FGF14: variants seen among roughly 807,000 people sequenced by gnomAD.
The protein encoded by FGF14 is fibroblast growth factor homologous factor 4.
In FGF14, 5 loss-of-function variants were observed where a neutral mutation model predicts 25.5. The ratio of observed to expected loss-of-function variants is 0.20; its 90% CI spans 0.10 to 0.41. The LOEUF (loss-of-function observed/expected upper bound fraction) is 0.41, where lower values mean the gene tolerates loss of function less well. FGF14 is among the 10% of genes least tolerant of loss of function. The probability of loss-of-function intolerance (pLI) is 1.00; values close to 1 mark genes in which losing one functional copy is unlikely to be tolerated. For synonymous variants in FGF14, 138 were observed against 118.3 expected, an observed-to-expected ratio of 1.17 and a Z score of -1.08; for missense variants, 222 against 320.1, an observed-to-expected ratio of 0.69 and a Z score of 2.34.
At chr13:102,036,662 A>AGGAGGAGG (rs2041489889) in intron 1 of FGF14, among the ~76,000 whole-genome samples, 1 of 151,692 alleles carries the variant, frequency 6.6e-6, no homozygotes, top group Non-Finnish European at 1.5e-5. Flanking sequence ...GAGGAAACAG[A>AGGAGGAGG]AGGAGGAGGA....
At chr13:102,375,425 C>G (rs920995575) in intron 1 of FGF14, among the ~76,000 whole-genome samples, 3 of 152,074 alleles carry the variant, frequency 2.0e-5, no homozygotes, top group African/African-American at 7.2e-5. Flanking sequence ...AAGCATAAGA[C>G]TTTGTAGTAA....
At chr13:102,301,860 A>ACACACG (rs1347296328) in intron 1 of FGF14, among the ~76,000 whole-genome samples, 1 of 147,844 alleles carries the variant, frequency 6.8e-6, no homozygotes, top group East Asian at 1.9e-4. Flanking sequence ...ACACACACAC[A>ACACACG]CACACACTTT....
At chr13:101,953,401 G>C (rs963609449) in intron 1 of FGF14, among the ~76,000 whole-genome samples, 1 of 151,904 alleles carries the variant, frequency 6.6e-6, no homozygotes, top group Non-Finnish European at 1.5e-5. Context: ...TGTTCTGCTA[G>C]GACAGAGATG....
chr13:102,119,383 G>A (rs2045615506), intron 1 of FGF14, among the ~76,000 whole-genome samples: 1 of 152,132 alleles, frequency 6.6e-6, no homozygotes, highest in South Asian at 2.1e-4. Flanking sequence ...AGAGACTAAT[G>A]ACACACAATA....
chr13:101,719,027 G>GT lies in FGF14; in HGVS notation c.*3803dup, dbSNP rs1386574418. The GT allele has an allele frequency of 6.6e-6, 1 of 151,948 alleles. No individual in the cohort carries two copies. The highest frequency in any genetic ancestry group is 1.5e-5 in the Non-Finnish European group (1 of 67,968). 9.4% of individuals were successfully genotyped at this position (151,948 alleles called of 1,614,324 possible). Reference sequence around the variant, plus strand: ...AGTCGCTTTCCCTTGATATAGCCTTGTTCTGAATTAAAATGGAAAAAATAT... The same window carrying GT: ...AGTCGCTTTCCCTTGATATAGCCTTGTTTCTGAATTAAAATGGAAAAAATAT... On this transcript the variant is annotated 3_prime_UTR_variant, in exon 5 of 5. Coordinates refer to ENST00000376143, the MANE Select transcript of FGF14 (RefSeq NM_004115.4).
intron 1 of FGF14, among the ~76,000 whole-genome samples, chr13:101,975,308 C>T (rs976472852): frequency 1.3e-5 from 2 of 152,136 alleles, no homozygotes; most frequent in African/African-American, 2.4e-5. Context: ...CAGCACTAAC[C>T]CCCTCGACTC....
intron 3 of FGF14, among the ~76,000 whole-genome samples, chr13:101,818,078 A>G (rs1470183153): frequency 1.3e-5 from 2 of 152,202 alleles, no homozygotes; most frequent in African/African-American, 4.8e-5. Flanking sequence ...CAAGGTGACT[A>G]AGACACAAAC....
chr13:101,730,616 C>T (rs1347936013), intron 3 of FGF14, among the ~76,000 whole-genome samples: 1 of 152,200 alleles, frequency 6.6e-6, no homozygotes, highest in African/African-American at 2.4e-5. Context: ...ATACTTTGTG[C>T]TTCAATCCTG....
intron 3 of FGF14, among the ~76,000 whole-genome samples, chr13:101,810,967 C>T (rs529707329): frequency 1.3e-5 from 2 of 152,136 alleles, no homozygotes; most frequent in East Asian, 3.9e-4. Context: ...TTTTAGGTCA[C>T]AGCCAAACTG....
intron 1 of FGF14, among the ~76,000 whole-genome samples, chr13:101,906,466 G>A (rs1029131103): frequency 6.6e-6 from 1 of 152,082 alleles, no homozygotes; most frequent in African/African-American, 2.4e-5. Context: ...TGAGGCATGT[G>A]GTGTAATAAA....
chr13:102,086,475 A>C (rs1236094901), intron 1 of FGF14, among the ~76,000 whole-genome samples: 1 of 152,084 alleles, frequency 6.6e-6, no homozygotes, highest in Non-Finnish European at 1.5e-5. Flanking sequence ...GCTTGCAGTG[A>C]GCCGAGATCG....
At chr13:102,365,960 A>T (rs959041773) in intron 1 of FGF14, among the ~76,000 whole-genome samples, 2 of 152,110 alleles carry the variant, frequency 1.3e-5, no homozygotes, top group Non-Finnish European at 2.9e-5. Context: ...TGTTCTCTCC[A>T]CTGTCATTTG....
At chr13:102,211,998 A>G (rs1047312895) in intron 1 of FGF14, among the ~76,000 whole-genome samples, 28 of 152,048 alleles carry the variant, frequency 1.8e-4, no homozygotes, top group Admixed American at 5.9e-4. Flanking sequence ...TTTCCCTTTC[A>G]CAGTTACTCA....
At chr13:102,103,318 A>G (rs777646602) in intron 1 of FGF14, among the ~76,000 whole-genome samples, 16 of 143,290 alleles carry the variant, frequency 1.1e-4, no homozygotes, top group African/African-American at 4.2e-4. Flanking sequence ...GTGTCATTTT[A>G]GATCACACAC....
intron 1 of FGF14, among the ~76,000 whole-genome samples, chr13:102,136,765 G>T (rs1476668575): frequency 6.6e-6 from 1 of 151,692 alleles, no homozygotes; most frequent in East Asian, 1.9e-4. Context: ...AATGTACTGT[G>T]TTCAGTTAGC....
At chr13:102,380,769 A>G (rs947841714) in intron 1 of FGF14, among the ~76,000 whole-genome samples, 11 of 152,218 alleles carry the variant, frequency 7.2e-5, no homozygotes, top group Admixed American at 2.0e-4. Context: ...AAGTAGACAA[A>G]TTAAAAGTAA....
chr13:102,085,979 TA>T (rs1476337846), intron 1 of FGF14, among the ~76,000 whole-genome samples: 1 of 152,174 alleles, frequency 6.6e-6, no homozygotes, highest in Non-Finnish European at 1.5e-5. Flanking sequence ...AAATTGTAGC[TA>T]AAAATAAATG....
intron 1 of FGF14, among the ~76,000 whole-genome samples, chr13:102,137,447 G>C (rs544094512): frequency 6.6e-6 from 1 of 152,122 alleles, no homozygotes; most frequent in African/African-American, 2.4e-5. Context: ...ATGCAACCAA[G>C]TTGTTTGGTC....
At chr13:102,081,834 A>T (rs2043638402) in intron 1 of FGF14, among the ~76,000 whole-genome samples, 1 of 152,220 alleles carries the variant, frequency 6.6e-6, no homozygotes, top group Non-Finnish European at 1.5e-5. Flanking sequence ...AATTGAGAAC[A>T]TTAATTATAA....
Sources: allele counts gnomAD v4.1 joint callset (sites outside exome capture counted in the v4.1 genomes callset), GRCh38; gene constraint gnomAD v4.1.1; transcripts MANE v1.5; gene names NCBI Gene and HGNC (gene_info 2026-07-23, HGNC 2026-07-21).